Variants in RERG observed in about 807,000 individuals in gnomAD.
The protein encoded by RERG is RAS like estrogen regulated growth inhibitor.
Under a neutral mutation model 23.2 loss-of-function variants are expected in RERG, and 25 were observed. The ratio of observed to expected loss-of-function variants is 1.08; its 90% CI spans 0.79 to 1.50. The LOEUF (loss-of-function observed/expected upper bound fraction) is 1.50, where lower values mean the gene tolerates loss of function less well. RERG is among the 40% of genes most tolerant of loss of function. RERG has a pLI of 0.00. For synonymous variants in RERG, 81 were observed against 89.1 expected (o/e 0.91, Z 0.51); for missense variants, 253 against 250.1 (o/e 1.01, Z -0.08).
At chr12:15,201,609 ATAAT>A (rs2136141354) in intron 2 of RERG, among the ~76,000 whole-genome samples, 1 of 149,068 alleles carries the variant, frequency 6.7e-6, no homozygotes, top group Non-Finnish European at 1.5e-5. Flanking sequence ...AACAATAATA[ATAAT>A]TAGCTAATAT....
chr12:15,179,792 G>T (rs1165852884), intron 2 of RERG, among the ~76,000 whole-genome samples: 2 of 152,128 alleles, frequency 1.3e-5, no homozygotes, highest in African/African-American at 2.4e-5. Context: ...GAGACACTGA[G>T]GGATATAGTG....
chr12:15,176,736 C>G (rs12425381), intron 2 of RERG, among the ~76,000 whole-genome samples: 27,562 of 152,112 alleles, frequency 0.18, 3,315 homozygotes, highest in Admixed American at 0.34. Context: ...CCAAAGCACA[C>G]AAATTTACTT....
chr12:15,175,333 CTGTGTGTGTGTGTGTGTGTGTGTG>C (rs532399275), intron 2 of RERG, among the ~76,000 whole-genome samples: 32 of 112,250 alleles, frequency 2.9e-4, no homozygotes, highest in African/African-American at 9.1e-4. Context: ...CTCTCAGGCT[CTGTGTGTGTGTGTGTGTGTGTGTG>C]TGTGTGTGTG....
At chr12:15,161,002 G>T (rs1223919449) in intron 2 of RERG, among the ~76,000 whole-genome samples, 1 of 151,940 alleles carries the variant, frequency 6.6e-6, no homozygotes, top group East Asian at 1.9e-4. Flanking sequence ...AGGTGTGGCG[G>T]CACATGCTTG....
In RERG at chr12:15,217,511, T is replaced by C. The variant is rs1476115682; in HGVS notation, c.-22A>G. On this transcript the variant is annotated 5_prime_UTR_variant, in exon 2 of 5. Coordinates refer to ENST00000256953, the MANE Select transcript of RERG (RefSeq NM_032918.3). ...CCATGATGGGTGTTGGTAGACAATT[T>C]ACTGTTGTTAAAACTAAAGCACTGA... The C allele has an allele frequency of 3.2e-6, 5 of 1,578,692 alleles. No homozygotes were observed. The highest frequency in any genetic ancestry group is 4.4e-6 in the Non-Finnish European group (5 of 1,147,864).
At chr12:15,197,801 C>T (rs1394274931) in intron 2 of RERG, among the ~76,000 whole-genome samples, 1 of 152,074 alleles carries the variant, frequency 6.6e-6, no homozygotes, top group Non-Finnish European at 1.5e-5. Flanking sequence ...TATAGCCCAC[C>T]TGTCTTCAGT....
chr12:15,206,146 T>C (rs1865287072), intron 2 of RERG, among the ~76,000 whole-genome samples: 1 of 152,092 alleles, frequency 6.6e-6, no homozygotes. Context: ...CAAAGTATCA[T>C]CTTAAAATCA....
intron 4 of RERG, 127 bp downstream of exon 4, chr12:15,111,217 T>A: frequency 1.5e-6 from 1 of 645,984 alleles, no homozygotes; most frequent in East Asian, 2.6e-5. Flanking sequence ...AATGGCTAGT[T>A]AATTAGAGAA....
chr12:15,200,984 C>A (rs1237514154), intron 2 of RERG, among the ~76,000 whole-genome samples: 1 of 151,784 alleles, frequency 6.6e-6, no homozygotes, highest in Admixed American at 6.6e-5. Context: ...ACTGCTGGGC[C>A]CTAAAAGCCA....
chr12:15,122,061 C>T (rs1285561725), intron 2 of RERG, among the ~76,000 whole-genome samples: 1 of 151,776 alleles, frequency 6.6e-6, no homozygotes, highest in African/African-American at 2.4e-5. Flanking sequence ...ATGTCACAGG[C>T]ACTTAAAAAA....
At chr12:15,199,517 C>T (rs1865189343) in intron 2 of RERG, among the ~76,000 whole-genome samples, 1 of 152,152 alleles carries the variant, frequency 6.6e-6, no homozygotes, top group African/African-American at 2.4e-5. Context: ...CTGGTATTTA[C>T]CACATATGGA....
chr12:15,110,355 C>G (rs375160034), intron 4 of RERG, among the ~76,000 whole-genome samples: 1 of 150,964 alleles, frequency 6.6e-6, no homozygotes, highest in East Asian at 1.9e-4. Context: ...ATTTCAAGAA[C>G]CTTTCTGGGT....
rs1335127296 is a variant in RERG at position 15,221,379 on chromosome 12, C to G, written c.-299G>C. Reference sequence around the variant, plus strand: ...GTGCCAGTGGCCCGGCGGGGGTCTCCTCACTCGCGCTCGCTCCGACTAGCG... The same window carrying G: ...GTGCCAGTGGCCCGGCGGGGGTCTCGTCACTCGCGCTCGCTCCGACTAGCG... On this transcript the variant is annotated 5_prime_UTR_variant, in exon 1 of 5. Coordinates refer to ENST00000256953, the MANE Select transcript of RERG (RefSeq NM_032918.3). 1 of 152,284 alleles carries G rather than the reference C, an allele frequency of 6.6e-6. No homozygotes were observed. The highest frequency in any genetic ancestry group is 1.5e-5 in the Non-Finnish European group (1 of 68,096). 9.4% of individuals were successfully genotyped at this position (152,284 alleles called of 1,614,324 possible).
intron 2 of RERG, among the ~76,000 whole-genome samples, chr12:15,207,358 C>T (rs1285969423): frequency 1.3e-5 from 2 of 152,034 alleles, no homozygotes; most frequent in Non-Finnish European, 2.9e-5. Context: ...TGAAAATGAA[C>T]ATCTATACCT....
intron 2 of RERG, among the ~76,000 whole-genome samples, chr12:15,148,151 T>C (rs1448152325): frequency 6.6e-6 from 1 of 152,116 alleles, no homozygotes; most frequent in Non-Finnish European, 1.5e-5. Flanking sequence ...TATTCTTAGA[T>C]AACGTGACCT....
At chr12:15,164,156 C>A (rs1238781675) in intron 2 of RERG, among the ~76,000 whole-genome samples, 1 of 152,164 alleles carries the variant, frequency 6.6e-6, no homozygotes, top group African/African-American at 2.4e-5. Context: ...CCAGAAGACT[C>A]ACTGATCTCT....
intron 2 of RERG, among the ~76,000 whole-genome samples, chr12:15,186,948 T>C (rs1168669924): frequency 6.6e-6 from 1 of 152,144 alleles, no homozygotes; most frequent in Non-Finnish European, 1.5e-5. Context: ...ACTTGGGTGC[T>C]TGGCTTGTTT....
intron 2 of RERG, among the ~76,000 whole-genome samples, chr12:15,180,442 T>C (rs965585309): frequency 3.9e-5 from 6 of 152,050 alleles, no homozygotes; most frequent in South Asian, 2.1e-4. Context: ...CTTGAGCTAC[T>C]GGCAATGGCT....
At chr12:15,117,245 C>A (rs1035042751) in intron 3 of RERG, among the ~76,000 whole-genome samples, 1 of 149,860 alleles carries the variant, frequency 6.7e-6, no homozygotes, top group Non-Finnish European at 1.5e-5. Flanking sequence ...GGAAATTGTA[C>A]TGAGTTGAGT....
Sources: allele counts gnomAD v4.1 joint callset (sites outside exome capture counted in the v4.1 genomes callset), GRCh38; gene constraint gnomAD v4.1.1; transcripts MANE v1.5; gene names NCBI Gene and HGNC (gene_info 2026-07-23, HGNC 2026-07-21).